ATP9B: variants seen among roughly 807,000 people sequenced by gnomAD.
The protein encoded by ATP9B is ATPase phospholipid transporting 9B.
Under a neutral mutation model 146.1 loss-of-function variants are expected in ATP9B, and 110 were observed. The observed-to-expected ratio is 0.75, with a 90% CI of 0.65 to 0.88. The LOEUF is 0.88. ATP9B is among the 40% of genes least tolerant of loss of function. ATP9B has a pLI of 0.00. For synonymous variants in ATP9B, 604 were observed against 569.7 expected (o/e 1.06, Z -0.86); for missense variants, 1,499 against 1,496.4 (o/e 1.00, Z -0.03).
chr18:79,283,437 G>T (rs1027463961), intron 13 of ATP9B, among the ~76,000 whole-genome samples: 1 of 152,194 alleles, frequency 6.6e-6, no homozygotes, highest in East Asian at 1.9e-4. Flanking sequence ...TGTAAATGGG[G>T]TCTGTGCTTC....
At position 79,188,182 on chromosome 18, in the gene ATP9B, T is replaced by A. The variant is rs61012972; in HGVS notation, c.874-5001T>A. The stretch of plus-strand genomic sequence containing the variant: ...GAAAAGAATAAATTCAGATGTCTAA[T>A]GTACTTGAAGAAATATGAGAGGATG... On this transcript the variant is annotated intron_variant, in intron 8 of 29. Coordinates refer to ENST00000426216, the MANE Select transcript of ATP9B (RefSeq NM_198531.5). Among the ~76,000 whole-genome samples, 327 of 152,260 alleles carry A rather than the reference T, an allele frequency of 2.1e-3. 3 individuals are homozygous for A. The highest frequency in any genetic ancestry group is 7.5e-3 in the African/African-American group (312 of 41,548).
At chr18:79,231,803 T>TACATACACACACAC (rs1555777828) in intron 11 of ATP9B, among the ~76,000 whole-genome samples, 1 of 114,760 alleles carries the variant, frequency 8.7e-6, no homozygotes, top group African/African-American at 3.4e-5. Flanking sequence ...TATATATATA[T>TACATACACACACAC]ACACACACAC....
chr18:79,081,172 T>C (rs1000754204), intron 1 of ATP9B, among the ~76,000 whole-genome samples: 11 of 152,222 alleles, frequency 7.2e-5, no homozygotes, highest in African/African-American at 1.7e-4. Context: ...TTCTGTTGTT[T>C]GGAATAGTTT....
intron 1 of ATP9B, among the ~76,000 whole-genome samples, chr18:79,074,041 C>A (rs117579086): frequency 0.013 from 2,038 of 152,172 alleles, 17 homozygotes; most frequent in Non-Finnish European, 0.022. Context: ...GTGCAGCCAC[C>A]CTGTTTAGAT....
intron 5 of ATP9B, among the ~76,000 whole-genome samples, chr18:79,134,825 G>A (rs1039269844): frequency 5.9e-5 from 9 of 152,080 alleles, no homozygotes; most frequent in East Asian, 3.8e-4. Flanking sequence ...TGGATGTAAT[G>A]TATAATTTTT....
rs376384399 is a variant in ATP9B, at chr18:79,166,957, GGGCA to G, written c.779-9850_779-9847del. 2.5e-3 allele frequency among the ~76,000 whole-genome samples: 362 copies of G among 146,214 alleles called. 1 individual carries two copies. Among genetic ancestry groups the G allele is most frequent in the South Asian group, 4.8e-3 (23 of 4,820 alleles). ...ACAGCCAGGCATGCTGGCTGTGGCA[GGGCA>G]GGCAGCTCCAGGTGCCGGCTCTGTG... On this transcript the variant is annotated intron_variant, in intron 7 of 29. Coordinates refer to ENST00000426216, the MANE Select transcript of ATP9B (RefSeq NM_198531.5).
chr18:79,295,420 T>C (rs1352233388), intron 13 of ATP9B, among the ~76,000 whole-genome samples: 2 of 152,238 alleles, frequency 1.3e-5, no homozygotes, highest in Non-Finnish European at 2.9e-5. Context: ...TCTTTTACTG[T>C]CTACAATTTT....
At chr18:79,157,205 A>AC (rs1568296242) in intron 7 of ATP9B, among the ~76,000 whole-genome samples, 3 of 101,120 alleles carry the variant, frequency 3.0e-5, no homozygotes, top group African/African-American at 1.5e-4. Flanking sequence ...TACTAAAAAA[A>AC]ATACACACAC....
intron 5 of ATP9B, among the ~76,000 whole-genome samples, chr18:79,135,821 T>A (rs1451903283): frequency 6.6e-6 from 1 of 152,214 alleles, no homozygotes; most frequent in Non-Finnish European, 1.5e-5. Flanking sequence ...AGTCTATTTT[T>A]GTCTACTGTG....
At chr18:79,312,497 C>T (rs1237077712) in intron 15 of ATP9B, among the ~76,000 whole-genome samples, 1 of 152,170 alleles carries the variant, frequency 6.6e-6, no homozygotes, top group Non-Finnish European at 1.5e-5. Flanking sequence ...CATTGGCACG[C>T]GGGACTCCCA....
intron 15 of ATP9B, among the ~76,000 whole-genome samples, chr18:79,310,967 A>G (rs532057368): frequency 3.3e-5 from 5 of 152,072 alleles, no homozygotes; most frequent in Non-Finnish European, 7.4e-5. Context: ...CCTGGCCAAC[A>G]TGGCGAAACC....
chr18:79,097,157 CAAAA>C (rs373009400), intron 2 of ATP9B, among the ~76,000 whole-genome samples: 3 of 80,064 alleles, frequency 3.7e-5, no homozygotes. Context: ...GACTCTGTCT[CAAAA>C]AAAAAAAAAA....
intron 12 of ATP9B, among the ~76,000 whole-genome samples, chr18:79,258,399 C>T (rs1006728055): frequency 1.3e-5 from 2 of 152,120 alleles, no homozygotes; most frequent in African/African-American, 4.8e-5. Flanking sequence ...CACTGCACTC[C>T]AGCCTGAGCA....
intron 7 of ATP9B, among the ~76,000 whole-genome samples, chr18:79,171,388 A>G (rs1011377562): frequency 6.6e-6 from 1 of 152,212 alleles, no homozygotes; most frequent in Non-Finnish European, 1.5e-5. Flanking sequence ...TATTAATAGG[A>G]AAGATAGATT....
At position 79,367,440 on chromosome 18, in the gene ATP9B, C is replaced by T. The variant is rs112295271; in HGVS notation, c.3013-5385C>T. On this transcript the variant is annotated intron_variant, in intron 26 of 29. Coordinates refer to ENST00000426216, the MANE Select transcript of ATP9B (RefSeq NM_198531.5). ...CATATCTTCACCTCCACCGTGTGTACGCAGAGAAAGTGCCTCCTCAACCAG... is the reference window on the plus strand; with the variant it reads ...CATATCTTCACCTCCACCGTGTGTATGCAGAGAAAGTGCCTCCTCAACCAG... Among the ~76,000 whole-genome samples the T allele has an allele frequency of 3.1e-3, 354 of 115,710 alleles. 1 individual carries two copies. The highest frequency in any genetic ancestry group is 0.012 in the African/African-American group (320 of 27,432). 75.9% of individuals were successfully genotyped at this position (115,710 alleles called of 152,430 possible). A position where few individuals can be genotyped will look rare whatever the true frequency, so the allele number is the denominator to read the frequency against.
intron 13 of ATP9B, among the ~76,000 whole-genome samples, chr18:79,290,181 CT>C (rs752753479): frequency 6.2e-4 from 94 of 152,350 alleles, no homozygotes; most frequent in Non-Finnish European, 1.2e-3. Flanking sequence ...GCAGAGGTTA[CT>C]GCTGTCTTTT....
chr18:79,291,974 C>T (rs1456222547), intron 13 of ATP9B, among the ~76,000 whole-genome samples: 2 of 152,214 alleles, frequency 1.3e-5, no homozygotes, highest in Non-Finnish European at 2.9e-5. Context: ...GGGCGTTCCA[C>T]GTAAATGAGT....
At chr18:79,094,163 C>T (rs909097383) in intron 1 of ATP9B, among the ~76,000 whole-genome samples, 4 of 152,070 alleles carry the variant, frequency 2.6e-5, no homozygotes, top group African/African-American at 9.7e-5. Flanking sequence ...ATCTGCTCCC[C>T]GCCAGTGCTT....
chr18:79,069,531 T>C lies in ATP9B; in HGVS notation c.119+2T>C. ...GCCGGGAGCCGACCGGCACAGCAGG[T>C]AACCGAGGCGGCACTGGCCCCGTTC... On this transcript the variant is annotated splice_donor_variant, in intron 1 of 29. Transcript: ENST00000426216. LOFTEE classifies it high-confidence loss of function. The C allele has an allele frequency of 7.3e-7, 1 of 1,365,466 alleles. No individual in the cohort carries two copies. Among genetic ancestry groups the C allele is most frequent in the Non-Finnish European group, 9.5e-7 (1 of 1,056,260 alleles). The allele number at this position is 1,365,466 out of a possible 1,614,324, so 84.6% of individuals were successfully genotyped here. A position where few individuals can be genotyped will look rare whatever the true frequency, so the allele number is the denominator to read the frequency against.
Sources: allele counts gnomAD v4.1 joint callset (sites outside exome capture counted in the v4.1 genomes callset), GRCh38; gene constraint gnomAD v4.1.1; transcripts MANE v1.5; gene names NCBI Gene and HGNC (gene_info 2026-07-23, HGNC 2026-07-21).